Variants in FRMPD4 observed in about 807,000 individuals in gnomAD.
FRMPD4 encodes FERM and PDZ domain-containing protein 4.
FRMPD4 carries 22 observed loss-of-function variants against 94.1 expected under a neutral mutation model. That is an observed-to-expected ratio of 0.23 (90% confidence interval 0.17 to 0.33). FRMPD4 has a LOEUF of 0.33. Ranked by LOEUF, FRMPD4 falls within the 10% of genes least tolerant of loss-of-function variation. FRMPD4 has a pLI of 1.00. For missense variants in FRMPD4, 1,111 were observed against 1,339.9 expected, an observed-to-expected ratio of 0.83 and a Z score of 2.67; for synonymous variants, 631 against 548.6, an observed-to-expected ratio of 1.15 and a Z score of -2.10.
chrX:11,952,848 C>T (rs761826113), intron 3 of FRMPD4, among the ~76,000 whole-genome samples: 1 of 111,664 alleles, frequency 9.0e-6, no homozygotes, highest in South Asian at 3.8e-4. Flanking sequence ...GCAACATCAG[C>T]GTCACCTTAA....
intron 1 of FRMPD4, among the ~76,000 whole-genome samples, chrX:12,418,347 TTTC>T (rs1212875848): frequency 3.2e-4 from 16 of 50,428 alleles, no homozygotes; most frequent in African/African-American, 1.5e-3. Flanking sequence ...TCAGTGTTTC[TTTC>T]TTTTTTTTTT....
At chrX:12,390,728 C>A (rs142440421) in intron 1 of FRMPD4, among the ~76,000 whole-genome samples, 35 of 111,846 alleles carry the variant, frequency 3.1e-4, no homozygotes, top group African/African-American at 1.1e-3. Flanking sequence ...TTTTTCTGTA[C>A]TGTGATGAGT....
At chrX:12,401,458 T>G (rs1257028195) in intron 1 of FRMPD4, among the ~76,000 whole-genome samples, 1 of 111,303 alleles carries the variant, frequency 9.0e-6, no homozygotes, top group Non-Finnish European at 1.9e-5. Context: ...GACAGTTGCT[T>G]CTAATAGTTT....
intron 2 of FRMPD4, among the ~76,000 whole-genome samples, chrX:12,511,933 T>C (rs2058047178): frequency 9.0e-6 from 1 of 111,255 alleles, no homozygotes; most frequent in Non-Finnish European, 1.9e-5. Context: ...TTCCATAAGG[T>C]TATCAGTGGA....
At chrX:12,611,569 T>C (rs1431867851) in intron 3 of FRMPD4, among the ~76,000 whole-genome samples, 1 of 112,485 alleles carries the variant, frequency 8.9e-6, no homozygotes, top group Non-Finnish European at 1.9e-5. Flanking sequence ...TTTACTTTTA[T>C]TGTTATTGTT....
intron 3 of FRMPD4, among the ~76,000 whole-genome samples, chrX:11,956,835 C>G (rs1382891348): frequency 8.9e-6 from 1 of 112,083 alleles, no homozygotes; most frequent in Non-Finnish European, 1.9e-5. Context: ...GTTCCAGGAT[C>G]TGGTCCGCAG....
intron 3 of FRMPD4, among the ~76,000 whole-genome samples, chrX:12,125,311 C>A (rs1268253746): frequency 8.9e-6 from 1 of 112,029 alleles, no homozygotes; most frequent in Non-Finnish European, 1.9e-5. Context: ...TAGAAGGATA[C>A]CCCTTATGTT....
chrX:12,633,308 G>C (rs2059413352), intron 4 of FRMPD4, among the ~76,000 whole-genome samples: 1 of 112,085 alleles, frequency 8.9e-6, no homozygotes, highest in African/African-American at 3.2e-5. Context: ...CCCAGATGCA[G>C]CTCAGGGAAA....
intron 1 of FRMPD4, among the ~76,000 whole-genome samples, chrX:12,347,476 T>C (rs1268372095): frequency 9.0e-6 from 1 of 110,979 alleles, no homozygotes; most frequent in Non-Finnish European, 1.9e-5. Flanking sequence ...CTTCAAATGT[T>C]TTTCCCACCT....
At chrX:11,929,853 A>T (rs2054110933) in intron 3 of FRMPD4, among the ~76,000 whole-genome samples, 1 of 110,549 alleles carries the variant, frequency 9.0e-6, no homozygotes, top group Non-Finnish European at 1.9e-5. Flanking sequence ...CACACCTGTA[A>T]TCCCAACAGT....
At chrX:12,439,572 T>C (rs1320238598) in intron 1 of FRMPD4, among the ~76,000 whole-genome samples, 1 of 111,750 alleles carries the variant, frequency 8.9e-6, no homozygotes, top group Non-Finnish European at 1.9e-5. Context: ...TGTTGTGCTG[T>C]CATGGTGTAA....
intron 3 of FRMPD4, among the ~76,000 whole-genome samples, chrX:12,102,656 A>G (rs2055265128): frequency 9.0e-6 from 1 of 111,601 alleles, no homozygotes; most frequent in South Asian, 3.7e-4. Flanking sequence ...CCATTTGCAC[A>G]TGTGTTTTAG....
chrX:12,104,325 G>A (rs1024360165), intron 3 of FRMPD4, among the ~76,000 whole-genome samples: 3 of 111,981 alleles, frequency 2.7e-5, no homozygotes, highest in African/African-American at 9.7e-5. Context: ...TAGTAAGCAG[G>A]GTTACTAGCT....
intron 1 of FRMPD4, among the ~76,000 whole-genome samples, chrX:12,154,356 A>G (rs768230268): frequency 2.7e-5 from 3 of 113,011 alleles, no homozygotes; most frequent in African/African-American, 9.6e-5. Flanking sequence ...CTTGCTATGC[A>G]GGAAATGATT....
chrX:12,483,599 C>T (rs1272250099), intron 1 of FRMPD4, among the ~76,000 whole-genome samples: 1 of 111,337 alleles, frequency 9.0e-6, no homozygotes, highest in African/African-American at 3.3e-5. Context: ...TATTCTAATC[C>T]TTCATGAAAC....
intron 1 of FRMPD4, among the ~76,000 whole-genome samples, chrX:12,436,627 A>G (rs1376959694): frequency 8.9e-6 from 1 of 111,775 alleles, no homozygotes; most frequent in African/African-American, 3.2e-5. Context: ...TAATAAAAAT[A>G]TTATTTTATA....
At chrX:12,500,860 G>T (rs1022347314) in intron 2 of FRMPD4, among the ~76,000 whole-genome samples, 1 of 112,289 alleles carries the variant, frequency 8.9e-6, no homozygotes, top group African/African-American at 3.2e-5. Context: ...AATTGGCTCA[G>T]TTAAGGTGAA....
chrX:11,986,733 C>T (rs933876119), intron 3 of FRMPD4, among the ~76,000 whole-genome samples: 2 of 110,883 alleles, frequency 1.8e-5, no homozygotes, highest in Non-Finnish European at 1.9e-5. Context: ...AAAAAGGAGA[C>T]ATTACAACTG....
rs746876046 is a variant in FRMPD4, at chrX:11,900,140, T to C, written c.95+22122T>C. On this transcript the variant is annotated intron_variant, in intron 3 of 18. Coordinates refer to the FRMPD4 transcript ENST00000640291. ...GTGGTAACAGACAATTATTGTTGGCTTTTTCCCCTCTCTTATGCTTTCTTG... is the reference window on the plus strand; with the variant it reads ...GTGGTAACAGACAATTATTGTTGGCCTTTTCCCCTCTCTTATGCTTTCTTG... Among the ~76,000 whole-genome samples the C allele has an allele frequency of 2.7e-5, 3 of 111,776 alleles. No individual in the cohort carries two copies. In the East Asian group the frequency reaches 8.4e-4, roughly 31 times the overall value.
Sources: gnomAD v4.1 joint callset for allele counts (sites outside exome capture counted in the v4.1 genomes callset) on GRCh38, gnomAD v4.1.1 for gene constraint, MANE v1.5 for transcripts, NCBI Gene and HGNC (gene_info 2026-07-23, HGNC 2026-07-21) for gene names.